The following EIPR1 variants were observed in gnomAD, a reference collection of about 807,000 sequenced individuals.
EIPR1 encodes EARP complex and GARP complex interacting protein 1.
A neutral mutation model predicts 48.1 loss-of-function variants in EIPR1; 25 were observed. The observed-to-expected ratio is 0.52, with a 90% CI of 0.38 to 0.73. The LOEUF is 0.73. EIPR1 is among the 30% of genes least tolerant of loss of function. The probability of loss-of-function intolerance (pLI) is 0.00; values close to 1 mark genes in which losing one functional copy is unlikely to be tolerated. For synonymous variants in EIPR1, 204 were observed against 201.9 expected (o/e 1.01, Z -0.09); for missense variants, 415 against 506.2 (o/e 0.82, Z 1.73).
At chr2:3,295,590 C>CG (rs200323553) in intron 3 of EIPR1, among the ~76,000 whole-genome samples, 11 of 95,372 alleles carry the variant, frequency 1.2e-4, no homozygotes, top group African/African-American at 1.6e-4. Flanking sequence ...CCATCCAGCC[C>CG]TCCTCTCTCT....
At chr2:3,296,104 C>A (rs1319483117) in intron 3 of EIPR1, among the ~76,000 whole-genome samples, 3 of 134,728 alleles carry the variant, frequency 2.2e-5, no homozygotes, top group Non-Finnish European at 3.2e-5. Flanking sequence ...CCCATCCTCT[C>A]TACACACACA....
intron 3 of EIPR1, among the ~76,000 whole-genome samples, chr2:3,269,699 ACACTCAATCATCG>A (rs1048927440): frequency 3.5e-4 from 43 of 122,122 alleles, no homozygotes; most frequent in African/African-American, 1.0e-3. Flanking sequence ...CTCAATCATC[ACACTCAATCATCG>A]CACTCAATCA....
intron 3 of EIPR1, among the ~76,000 whole-genome samples, chr2:3,309,438 G>T (rs917038389): frequency 3.3e-5 from 5 of 152,168 alleles, no homozygotes; most frequent in Admixed American, 1.3e-4. Flanking sequence ...AGAACGATGA[G>T]AAACAAAGAG....
At chr2:3,237,261 CA>C (rs1352675867) in intron 4 of EIPR1, among the ~76,000 whole-genome samples, 15 of 151,312 alleles carry the variant, frequency 9.9e-5, no homozygotes, top group African/African-American at 3.2e-4. Context: ...CACACACACA[CA>C]CACACACACC....
chr2:3,377,714 GGC>G lies in EIPR1; in HGVS notation c.-27_-26del. 1 of 1,570,380 alleles carries G rather than the reference GGC, an allele frequency of 6.4e-7. No homozygotes were observed. The highest frequency in any genetic ancestry group is 8.6e-7 in the Non-Finnish European group (1 of 1,157,240). ...TGCTGCGGGGAAGCGACCCGACCCCGGCCACTCACACGCTAAGGACCTCGCTA... is the reference window on the plus strand; with the variant it reads ...TGCTGCGGGGAAGCGACCCGACCCCGCACTCACACGCTAAGGACCTCGCTA... On this transcript the variant is annotated 5_prime_UTR_variant, in exon 1 of 9. Transcript: ENST00000382125.
chr2:3,206,000 T>C (rs1665222102), intron 5 of EIPR1, among the ~76,000 whole-genome samples: 2 of 152,324 alleles, frequency 1.3e-5, no homozygotes, highest in South Asian at 2.1e-4. Context: ...GTGGTCTTTA[T>C]GTGGGGCGAA....
intron 1 of EIPR1, among the ~76,000 whole-genome samples, chr2:3,364,254 A>G (rs1670919821): frequency 1.3e-5 from 2 of 152,220 alleles, no homozygotes; most frequent in South Asian, 4.1e-4. Context: ...AAGACATGGA[A>G]TCAACCTAAG....
At chr2:3,359,224 T>C (rs916398618) in intron 1 of EIPR1, among the ~76,000 whole-genome samples, 5 of 152,312 alleles carry the variant, frequency 3.3e-5, no homozygotes, top group East Asian at 3.9e-4. Context: ...TTAAATGCCA[T>C]CACTTTAAAA....
chr2:3,339,521 C>A (rs892043859), intron 2 of EIPR1, among the ~76,000 whole-genome samples: 1 of 152,180 alleles, frequency 6.6e-6, no homozygotes, highest in Admixed American at 6.5e-5. Context: ...AAATTGTAAT[C>A]CCAGTGTCGG....
At chr2:3,298,962 C>G (rs185755160) in intron 3 of EIPR1, among the ~76,000 whole-genome samples, 1 of 152,172 alleles carries the variant, frequency 6.6e-6, no homozygotes, top group Admixed American at 6.5e-5. Context: ...CTGCTCACTG[C>G]GCTCAGATCT....
intron 4 of EIPR1, among the ~76,000 whole-genome samples, chr2:3,215,328 A>T (rs1665594512): frequency 6.6e-6 from 1 of 152,184 alleles, no homozygotes; most frequent in African/African-American, 2.4e-5. Context: ...ATGGCAAAGT[A>T]CTGGACGAGA....
chr2:3,265,769 C>T (rs150361905), intron 3 of EIPR1, among the ~76,000 whole-genome samples: 1 of 152,188 alleles, frequency 6.6e-6, no homozygotes, highest in East Asian at 1.9e-4. Flanking sequence ...AAGGGAACTC[C>T]GATATCATGC....
At chr2:3,207,003 T>A (rs926477524) in intron 5 of EIPR1, among the ~76,000 whole-genome samples, 1 of 152,194 alleles carries the variant, frequency 6.6e-6, no homozygotes, top group Non-Finnish European at 1.5e-5. Flanking sequence ...AGACACAGAC[T>A]GCTTTCTGGG....
chr2:3,286,327 T>A lies in EIPR1; in HGVS notation c.260-28872A>T, dbSNP rs911724138. On this transcript the variant is annotated intron_variant, in intron 3 of 8. Coordinates refer to ENST00000382125, the MANE Select transcript of EIPR1 (RefSeq NM_003310.5). The surrounding 1 kb of genome is among the most constrained non-coding windows in gnomAD (Gnocchi z 4.2). ...GTATGACGTGTACACACACTGCTCC[T>A]GTGTAAACGTGTGGCCGTGACATGG... Among the ~76,000 whole-genome samples, 4 of 152,228 alleles carry A rather than the reference T, an allele frequency of 2.6e-5. No individual in the cohort carries two copies. The highest frequency in any genetic ancestry group is 9.6e-5 in the African/African-American group (4 of 41,462).
At chr2:3,305,029 AG>A (rs1441547033) in intron 3 of EIPR1, among the ~76,000 whole-genome samples, 11 of 105,268 alleles carry the variant, frequency 1.0e-4, no homozygotes, top group African/African-American at 4.3e-4. Context: ...ACTCCTGTCC[AG>A]TTCAACCCTC....
chr2:3,350,945 CAAAAAAAA>C (rs11344032), intron 2 of EIPR1, among the ~76,000 whole-genome samples: 1 of 122,362 alleles, frequency 8.2e-6, no homozygotes, highest in Non-Finnish European at 1.6e-5. Context: ...TACTTCGTTC[CAAAAAAAA>C]AAAAAAAAAC....
chr2:3,374,146 T>G (rs1322622967), intron 1 of EIPR1, among the ~76,000 whole-genome samples: 1 of 150,864 alleles, frequency 6.6e-6, no homozygotes, highest in Non-Finnish European at 1.5e-5. Flanking sequence ...CCCTATTTAA[T>G]AAATGGTGCT....
intron 3 of EIPR1, among the ~76,000 whole-genome samples, chr2:3,289,197 G>A (rs1668295070): frequency 6.6e-6 from 1 of 152,066 alleles, no homozygotes; most frequent in Non-Finnish European, 1.5e-5. Flanking sequence ...CCTGCTTCCT[G>A]GACCTCTCAG....
rs188701279 is a variant in EIPR1, at chr2:3,281,643, T to C, written c.260-24188A>G. ...CCTGGAAGGGCTCAGTAGATCGAAC[T>C]AGCTCCCTTCAGACGGTCAAGGCGG... On this transcript the variant is annotated intron_variant, in intron 3 of 8. Coordinates refer to ENST00000382125, the MANE Select transcript of EIPR1 (RefSeq NM_003310.5). Among the ~76,000 whole-genome samples the C allele has an allele frequency of 1.0e-3, 156 of 152,322 alleles. 1 individual carries two copies. Among genetic ancestry groups the C allele is most frequent in the African/African-American group, 3.6e-3 (150 of 41,574 alleles).
Sources: gnomAD v4.1 joint callset for allele counts (sites outside exome capture counted in the v4.1 genomes callset) on GRCh38, gnomAD v4.1.1 for gene constraint, Gnocchi (gnomAD v3.1) non-coding constraint, MANE v1.5 for transcripts, NCBI Gene and HGNC (gene_info 2026-07-23, HGNC 2026-07-21) for gene names.